ANXA10: variants seen among roughly 807,000 people sequenced by gnomAD.
ANXA10 encodes annexin A10.
ANXA10 carries 49 observed loss-of-function variants against 53.5 expected under a neutral mutation model. That is an observed-to-expected ratio of 0.92 (90% CI 0.73 to 1.16). The LOEUF is 1.16. Ranked by LOEUF, ANXA10 falls within the 50% of genes most tolerant of loss-of-function variation. The pLI, the probability that ANXA10 is intolerant of heterozygous loss-of-function variation, is 0.00. For missense variants in ANXA10, 393 were observed against 394.4 expected (o/e 1.00, Z 0.03); for synonymous variants, 131 against 128.9 (o/e 1.02, Z -0.11).
chr4:168,183,925 A>C (rs571744100), intron 10 of ANXA10, among the ~76,000 whole-genome samples: 1 of 152,188 alleles, frequency 6.6e-6, no homozygotes, highest in Non-Finnish European at 1.5e-5. Context: ...TCTGTTTGGA[A>C]AGACAATTTG....
chr4:168,141,099 T>C (rs922856624), intron 3 of ANXA10, among the ~76,000 whole-genome samples: 5 of 152,240 alleles, frequency 3.3e-5, no homozygotes, highest in Non-Finnish European at 7.3e-5. Flanking sequence ...ATTTAAAATC[T>C]ACTAAAGAAT....
At chr4:168,148,226 G>A (rs992276415) in intron 3 of ANXA10, among the ~76,000 whole-genome samples, 1 of 151,020 alleles carries the variant, frequency 6.6e-6, no homozygotes, top group East Asian at 1.9e-4. Context: ...GGAGTGCAGT[G>A]GCATGATCTC....
At chr4:168,143,923 C>T (rs1026196155) in intron 3 of ANXA10, among the ~76,000 whole-genome samples, 8 of 152,178 alleles carry the variant, frequency 5.3e-5, no homozygotes, top group Non-Finnish European at 2.9e-5. Flanking sequence ...GGGCAGACAT[C>T]TATACTGCCA....
intron 1 of ANXA10, among the ~76,000 whole-genome samples, chr4:168,098,304 C>T (rs1192828892): frequency 6.6e-6 from 1 of 151,998 alleles, no homozygotes; most frequent in African/African-American, 2.4e-5. Flanking sequence ...CAATATGAAT[C>T]ATAGTTAGTT....
At chr4:168,096,162 G>T (rs896521274) in intron 1 of ANXA10, among the ~76,000 whole-genome samples, 2 of 152,184 alleles carry the variant, frequency 1.3e-5, no homozygotes. Flanking sequence ...CATGGGAGGA[G>T]AGGCTGTTGA....
At chr4:168,118,799 A>G (rs189473843) in intron 1 of ANXA10, among the ~76,000 whole-genome samples, 350 of 152,296 alleles carry the variant, frequency 2.3e-3, no homozygotes, top group African/African-American at 8.0e-3. Context: ...GTGTAAAGAC[A>G]CCTTCATGGT....
chr4:168,160,505 G>A (rs1207478342), intron 3 of ANXA10, among the ~76,000 whole-genome samples: 1 of 152,042 alleles, frequency 6.6e-6, no homozygotes, highest in African/African-American at 2.4e-5. Context: ...TGTGAATAGT[G>A]CTGCGATGAA....
intron 10 of ANXA10, among the ~76,000 whole-genome samples, chr4:168,184,118 G>A (rs928591151): frequency 2.6e-5 from 4 of 152,184 alleles, no homozygotes; most frequent in Non-Finnish European, 5.9e-5. Context: ...ACAAATCAAT[G>A]TCCATCTGAC....
Position 168,128,081 on chromosome 4 carries a change from C to T in ANXA10, c.19-3C>T, listed in dbSNP as rs1560965937. 1 of 1,610,922 alleles carries T rather than the reference C, an allele frequency of 6.2e-7. No homozygotes were observed. Among genetic ancestry groups the T allele is most frequent in the Admixed American group, 1.7e-5 (1 of 59,844 alleles). On this transcript the variant is annotated splice_polypyrimidine_tract_variant and splice_region_variant and intron_variant, in intron 1 of 11. Coordinates refer to ENST00000359299, the MANE Select transcript of ANXA10 (RefSeq NM_007193.5). ...ATCACTTTCTCATTGATTTTCCCAC[C>T]AGGTGCAAGGAACCATCTTCCCAGC...
intron 1 of ANXA10, among the ~76,000 whole-genome samples, chr4:168,104,673 T>G (rs1341920529): frequency 6.6e-6 from 1 of 151,996 alleles, no homozygotes; most frequent in Non-Finnish European, 1.5e-5. Flanking sequence ...GAATCATTCA[T>G]AGCATTCCTT....
At chr4:168,167,688 C>T (rs1363186540) in intron 6 of ANXA10, among the ~76,000 whole-genome samples, 3 of 152,190 alleles carry the variant, frequency 2.0e-5, no homozygotes, top group Non-Finnish European at 2.9e-5. Context: ...TTGTGATCTA[C>T]TTGCTTTTGG....
At chr4:168,135,483 G>A (rs972903395) in intron 2 of ANXA10, among the ~76,000 whole-genome samples, 3 of 152,206 alleles carry the variant, frequency 2.0e-5, no homozygotes, top group African/African-American at 7.2e-5. Flanking sequence ...AGGGAGGTTA[G>A]GAGCCTGTAG....
intron 4 of ANXA10, among the ~76,000 whole-genome samples, chr4:168,162,973 T>C (rs1374609270): frequency 2.0e-5 from 3 of 152,190 alleles, no homozygotes; most frequent in Non-Finnish European, 4.4e-5. Flanking sequence ...TGTATTCCTA[T>C]ATTGAGGATA....
rs1732388313 is a variant in ANXA10 at position 168,187,266 on chromosome 4, T to C, written c.907-100T>C. On this transcript the variant is annotated intron_variant, in intron 11 of 11. Transcript: ENST00000359299. Reference sequence around the variant, plus strand: ...AAGTAAATAAGTTTAGAAAGGCTAATGGTCCATGGCTCTTTCATAGTGCAG... The same window carrying C: ...AAGTAAATAAGTTTAGAAAGGCTAACGGTCCATGGCTCTTTCATAGTGCAG... The C allele has an allele frequency of 6.3e-6, 4 of 637,358 alleles. No homozygotes were observed. The East Asian group carries it at 9.4e-5, about 15-fold the overall frequency. The allele number at this position is 637,358 out of a possible 1,614,324, so 39.5% of individuals were successfully genotyped here. A position where few individuals can be genotyped will look rare whatever the true frequency, so the allele number is the denominator to read the frequency against.
At chr4:168,137,078 C>G (rs2149471598) in intron 2 of ANXA10, among the ~76,000 whole-genome samples, 1 of 152,278 alleles carries the variant, frequency 6.6e-6, no homozygotes, top group South Asian at 2.1e-4. Context: ...GCTGGAGCAG[C>G]TGGGATGCAG....
intron 1 of ANXA10, among the ~76,000 whole-genome samples, chr4:168,104,669 T>C (rs150439478): frequency 1.3e-5 from 2 of 152,102 alleles, no homozygotes; most frequent in Admixed American, 6.6e-5. Flanking sequence ...CATTGAATCA[T>C]TCATAGCATT....
At chr4:168,149,480 C>T (rs1313366191) in intron 3 of ANXA10, among the ~76,000 whole-genome samples, 1 of 151,842 alleles carries the variant, frequency 6.6e-6, no homozygotes, top group Non-Finnish European at 1.5e-5. Context: ...TCATAGTATT[C>T]CCTCAGATTG....
At chr4:168,102,879 A>C (rs1323090951) in intron 1 of ANXA10, among the ~76,000 whole-genome samples, 1 of 152,106 alleles carries the variant, frequency 6.6e-6, no homozygotes, top group African/African-American at 2.4e-5. Flanking sequence ...TTGCATTCTC[A>C]CCAGCAATAT....
At chr4:168,144,483 A>G (rs943125818) in intron 3 of ANXA10, among the ~76,000 whole-genome samples, 2 of 152,112 alleles carry the variant, frequency 1.3e-5, no homozygotes, top group Admixed American at 1.3e-4. Context: ...CACTGCGCCC[A>G]GTTGTTGTTC....
Sources: gnomAD v4.1 joint callset for allele counts (sites outside exome capture counted in the v4.1 genomes callset) on GRCh38, gnomAD v4.1.1 for gene constraint, MANE v1.5 for transcripts, NCBI Gene and HGNC (gene_info 2026-07-23, HGNC 2026-07-21) for gene names.